Variants in COL2A1 observed in about 807,000 individuals in gnomAD.
The protein encoded by COL2A1 is collagen alpha-1(II) chain.
Under a neutral mutation model 204.5 loss-of-function variants are expected in COL2A1, and 28 were observed. The ratio of observed to expected loss-of-function variants is 0.14; its 90% CI spans 0.10 to 0.19. COL2A1 has a LOEUF of 0.19. COL2A1 is among the 10% of genes least tolerant of loss of function. COL2A1 has a pLI of 1.00. For missense variants in COL2A1, 1,388 were observed against 2,027.5 expected (o/e 0.68, Z 6.06); for synonymous variants, 708 against 718.7 (o/e 0.99, Z 0.24).
At chr12:48,001,499 G>A (rs78917037) in intron 1 of COL2A1, among the ~76,000 whole-genome samples, 1 of 152,174 alleles carries the variant, frequency 6.6e-6, no homozygotes, top group African/African-American at 2.4e-5. Context: ...CGGTTAATGC[G>A]CTCCAGCCCA....
intron 16 of COL2A1, 106 bp downstream of exon 16, chr12:47,992,772 A>G: frequency 8.6e-7 from 1 of 1,167,930 alleles, no homozygotes; most frequent in South Asian, 1.3e-5. Flanking sequence ...AAGGGATAAC[A>G]ATACTCCCTA....
In COL2A1 at chr12:48,004,446, C is replaced by A. The variant is rs1263311724; in HGVS notation, c.-125G>T. Reference sequence around the variant, plus strand: ...AGGCCCTTGGAGCAGGAGGGGGAAGCGGGAGACCCGGCAGCCCAGCAGCGC... The same window carrying A: ...AGGCCCTTGGAGCAGGAGGGGGAAGAGGGAGACCCGGCAGCCCAGCAGCGC... On this transcript the variant is annotated 5_prime_UTR_variant, in exon 1 of 54. Coordinates refer to ENST00000380518, the MANE Select transcript of COL2A1 (RefSeq NM_001844.5). 2 of 590,342 alleles carry A rather than the reference C, an allele frequency of 3.4e-6. No individual in the cohort carries two copies. The highest frequency in any genetic ancestry group is 4.1e-5 in the South Asian group (2 of 48,744). 36.6% of individuals were successfully genotyped at this position (590,342 alleles called of 1,614,324 possible). A position where few individuals can be genotyped will look rare whatever the true frequency, so the allele number is the denominator to read the frequency against.
At position 47,985,010 on chromosome 12, in the gene COL2A1, G is replaced by C. The variant is rs768119022; in HGVS notation, c.1818C>G (p.Gly606=). 1 of 1,613,930 alleles carries C rather than the reference G, an allele frequency of 6.2e-7. No individual in the cohort carries two copies. The change falls in exon 27 of 54, where the codon GGC becomes GGG. Residue 606 remains glycine, a synonymous_variant. Coordinates refer to ENST00000380518, the MANE Select transcript of COL2A1 (RefSeq NM_001844.5). ...RGQPGVMGFP[G]PKGANGEPGK... ...TATTACTTACGTTGGCACCTTTGGG[G>C]CCAGGGAAACCCATGACACCAGGCT...
At chr12:47,981,487 G>T in intron 36 of COL2A1, 91 bp from the exon 37 acceptor site, 2 of 1,198,240 alleles carry the variant, frequency 1.7e-6, no homozygotes, top group Non-Finnish European at 2.4e-6. Flanking sequence ...CCTTGCTCGT[G>T]GGAAGGGGGC....
chr12:47,979,848 A>G (rs574295017), intron 40 of COL2A1, among the ~76,000 whole-genome samples, 161 bp downstream of exon 40: 1 of 152,222 alleles, frequency 6.6e-6, no homozygotes, highest in East Asian at 1.9e-4. Context: ...CCCAGCCCAC[A>G]GGCGCCCTCT....
chr12:47,989,706 T>G, intron 17 of COL2A1, 55 bp downstream of exon 17: 1 of 1,547,964 alleles, frequency 6.5e-7, no homozygotes. Context: ...CTTGGGCTGC[T>G]TAACGGGACT....
intron 2 of COL2A1, 98 bp downstream of exon 2, chr12:47,999,821 C>A: frequency 9.6e-7 from 1 of 1,042,420 alleles, no homozygotes; most frequent in Non-Finnish European, 1.5e-6. Flanking sequence ...GATAACTAGC[C>A]CCTCTGCTTT....
At position 47,998,386 on chromosome 12, in the gene COL2A1, T is replaced by C. The variant is rs184716507; in HGVS notation, c.309+29A>G. On this transcript the variant is annotated intron_variant, in intron 3 of 53. Coordinates refer to ENST00000380518, the MANE Select transcript of COL2A1 (RefSeq NM_001844.5). Reference sequence around the variant, plus strand: ...CAGAAAATATAAAGCCAAAAAAATATGAAAAAAGAAAAAGAAGAAAGCCCT... The same window carrying C: ...CAGAAAATATAAAGCCAAAAAAATACGAAAAAAGAAAAAGAAGAAAGCCCT... The C allele has an allele frequency of 3.5e-5, 56 of 1,581,480 alleles. 1 individual carries two copies. The Admixed American group carries it at 9.8e-4, about 28-fold the overall frequency.
chr12:47,990,914 C>T (rs893056599), intron 16 of COL2A1, among the ~76,000 whole-genome samples: 7 of 152,162 alleles, frequency 4.6e-5, no homozygotes. Flanking sequence ...GTACCTTTTC[C>T]TGCTGAGTCC....
intron 41 of COL2A1, 36 bp downstream of exon 41, chr12:47,979,475 C>T: frequency 6.2e-7 from 1 of 1,611,620 alleles, no homozygotes; most frequent in South Asian, 1.1e-5. Context: ...CTATTCCATG[C>T]CTGCCTGTGC....
chr12:47,974,014 G>T (rs2136504357), intron 53 of COL2A1, 75 bp downstream of exon 53: 3 of 1,610,158 alleles, frequency 1.9e-6, no homozygotes, highest in Middle Eastern at 3.3e-4. Flanking sequence ...CCTGACAGCT[G>T]CCGCGGGCCA....
In COL2A1 at chr12:47,980,739, T is replaced by A; in HGVS notation, c.2518-78A>T. ...GCTCTTCCAGAAGAGCAGGAGACTCTGTGAGTATCTGCGTGTGTGTCCTGG... is the reference window on the plus strand; with the variant it reads ...GCTCTTCCAGAAGAGCAGGAGACTCAGTGAGTATCTGCGTGTGTGTCCTGG... On this transcript the variant is annotated intron_variant, in intron 38 of 53. Coordinates refer to ENST00000380518, the MANE Select transcript of COL2A1 (RefSeq NM_001844.5). This position sits in a 1 kb window ranked among gnomAD's most constrained non-coding sequence, Gnocchi z 4.5. 6.9e-7 allele frequency: 1 copy of A among 1,447,586 alleles called. No homozygotes were observed. The highest frequency in any genetic ancestry group is 2.4e-5 in the East Asian group (1 of 40,928). The allele number at this position is 1,447,586 out of a possible 1,614,324, so 89.7% of individuals were successfully genotyped here.
At chr12:47,995,592 G>T in intron 10 of COL2A1, 118 bp downstream of exon 10, 1 of 1,085,624 alleles carries the variant, frequency 9.2e-7, no homozygotes, top group Non-Finnish European at 1.4e-6. Context: ...GAATTTCCTT[G>T]GGGCCACCGA....
Position 47,995,248 on chromosome 12 carries a change from T to C in COL2A1, c.762+7A>G. The C allele has an allele frequency of 6.2e-7, 1 of 1,612,238 alleles. No individual in the cohort carries two copies. The highest frequency in any genetic ancestry group is 8.5e-7 in the Non-Finnish European group (1 of 1,178,194). ...AGCTCCTCATTTGTCTACTCGTGTA[T>C]ACTCACATCATCACCAGGCTTTCCA... On this transcript the variant is annotated splice_region_variant and intron_variant, in intron 11 of 53. Coordinates refer to ENST00000380518, the MANE Select transcript of COL2A1 (RefSeq NM_001844.5).
rs763777663 is a variant in COL2A1, at chr12:47,974,729, C to G, written c.4020G>C (p.Lys1340Asn). 7.4e-6 allele frequency: 12 copies of G among 1,614,116 alleles called. No homozygotes were observed. Among genetic ancestry groups the G allele is most frequent in the Admixed American group, 1.7e-5 (1 of 60,008 alleles). Residue 1340 changes from lysine to asparagine, a missense_variant, in exon 52 of 54, where the codon AAG (lysine) becomes AAC (asparagine). By Grantham distance (94) the Lys-to-Asn change is moderately conservative. Around this residue, in one of 3 missense-constraint regions of COL2A1, gnomAD observed 303 missense variants for 369.2 expected, o/e 0.82. Transcript: ENST00000380518. ...NVPKKNWWSS[K>N]SKEKKHIWFG... Reference sequence around the variant, plus strand: ...ACCAGATGTGTTTCTTCTCCTTGCTCTTGCTGCTCCACCAGTTCTTCTTGG... The same window carrying G: ...ACCAGATGTGTTTCTTCTCCTTGCTGTTGCTGCTCCACCAGTTCTTCTTGG...
chr12:47,984,616 G>A lies in COL2A1; in HGVS notation c.1834-17C>T. On this transcript the variant is annotated splice_polypyrimidine_tract_variant and intron_variant, in intron 27 of 53. Transcript: ENST00000380518. ...AGGCTCACCCTGAAGGAAAGAGAGGGCAGGGCCATGAGGCGGATGGTTTGG... is the reference window on the plus strand; with the variant it reads ...AGGCTCACCCTGAAGGAAAGAGAGGACAGGGCCATGAGGCGGATGGTTTGG... 1 of 1,613,828 alleles carries A rather than the reference G, an allele frequency of 6.2e-7. No homozygotes were observed. The highest frequency in any genetic ancestry group is 8.5e-7 in the Non-Finnish European group (1 of 1,179,768).
rs1173383933 is a variant in COL2A1 at position 47,974,716 on chromosome 12, T to C, written c.4033A>G (p.Lys1345Glu). ...ATGGTTTCTCCAAACCAGATGTGTT[T>C]CTTCTCCTTGCTCTTGCTGCTCCAC... ...NWWSSKSKEK[K>E]HIWFGETING... Residue 1345 changes from lysine (K) to glutamate (E), a missense_variant, in exon 52 of 54, where the codon AAA becomes GAA. Transcript: ENST00000380518. 1 of 1,614,092 alleles carries C rather than the reference T, an allele frequency of 6.2e-7. No individual in the cohort carries two copies. The highest frequency in any genetic ancestry group is 1.3e-5 in the African/African-American group (1 of 74,924).
At chr12:47,984,242 C>G in intron 28 of COL2A1, 102 bp from the exon 29 acceptor site, 2 of 1,051,328 alleles carry the variant, frequency 1.9e-6, no homozygotes, top group South Asian at 2.7e-5. Context: ...GTTTCCAGAC[C>G]TCCACGGTAC....
Position 47,975,529 on chromosome 12 carries a change from C to G in COL2A1, c.3674G>C (p.Gly1225Ala). Residue 1225 changes from glycine (G) to alanine (A), a missense_variant, in exon 51 of 54, where the codon GGC (glycine) becomes GCC (alanine). Around this residue, in one of 3 missense-constraint regions of COL2A1, gnomAD observed 303 missense variants for 369.2 expected, o/e 0.82. Coordinates refer to ENST00000380518, the MANE Select transcript of COL2A1 (RefSeq NM_001844.5). ...GPGIDMSAFA[G>A]LGPREKGPDP... ...GGGGCCCTTCTCTCTCGGGCCTAAG[C>G]CAGCAAAGGCGGACATGTCGATGCC... is the stretch of plus-strand genomic sequence containing the variant. 6.2e-7 allele frequency: 1 copy of G among 1,608,476 alleles called. No homozygotes were observed. The highest frequency in any genetic ancestry group is 2.2e-5 in the East Asian group (1 of 44,874).
Sources: allele counts gnomAD v4.1 joint callset (sites outside exome capture counted in the v4.1 genomes callset), GRCh38; gene constraint gnomAD v4.1.1; regional missense constraint gnomAD v4.1.1; non-coding constraint Gnocchi (gnomAD v3.1); transcripts MANE v1.5; gene names NCBI Gene and HGNC (gene_info 2026-07-23, HGNC 2026-07-21).